The following BAZ1A variants were observed in gnomAD, a reference collection of about 807,000 sequenced individuals.
The protein encoded by BAZ1A is bromodomain adjacent to zinc finger domain protein 1A.
Under a neutral mutation model 185.2 loss-of-function variants are expected in BAZ1A, and 50 were observed. That is an observed-to-expected ratio of 0.27 (90% CI 0.22 to 0.34). The LOEUF is 0.34. BAZ1A is among the 10% of genes least tolerant of loss of function. The probability of loss-of-function intolerance (pLI) is 1.00; values close to 1 mark genes in which losing one functional copy is unlikely to be tolerated. For synonymous variants in BAZ1A, 571 were observed against 615.6 expected (o/e 0.93, Z 1.07); for missense variants, 1,356 against 1,839.9 (o/e 0.74, Z 4.81).
Position 34,773,572 on chromosome 14 carries a change from C to A in BAZ1A, c.3152G>T (p.Arg1051Ile). The A allele has an allele frequency of 6.3e-7, 1 of 1,576,846 alleles. No individual in the cohort carries two copies. The change falls in exon 20 of 27, where the codon AGA becomes ATA. Residue 1051 changes from arginine to isoleucine, a missense_variant and splice_region_variant. Around this residue, in one of 7 missense-constraint regions of BAZ1A, gnomAD observed 434 missense variants for 561.7 expected, o/e 0.77. Coordinates refer to ENST00000360310, the MANE Select transcript of BAZ1A (RefSeq NM_013448.3). ...TTACTTTAGAAAAATCTTTTTGTAC[C>A]TGTCTTTTACTATGACCTTTGTTTG... Reference protein sequence around the residue: ...DEQTKVIVKDRLLGIKTETPS... With the variant: ...DEQTKVIVKDILLGIKTETPS...
At chr14:34,763,307 T>C (rs1261528139) in intron 23 of BAZ1A, among the ~76,000 whole-genome samples, 1 of 151,850 alleles carries the variant, frequency 6.6e-6, no homozygotes. Context: ...TTAAAACAGA[T>C]GGGGTGGCTC....
chr14:34,768,700 A>G, intron 21 of BAZ1A: 1 of 410,746 alleles, frequency 2.4e-6, no homozygotes, highest in South Asian at 1.8e-5. Flanking sequence ...CATCTCTCAC[A>G]CTAGATAGAT....
In BAZ1A at chr14:34,776,248, T is replaced by G; in HGVS notation, c.2504A>C (p.Asp835Ala). 6.2e-7 allele frequency: 1 copy of G among 1,613,998 alleles called. No homozygotes were observed. The highest frequency in any genetic ancestry group is 8.5e-7 in the Non-Finnish European group (1 of 1,179,860). The change falls in exon 18 of 27, where the codon GAC becomes GCC. Residue 835 changes from aspartate to alanine, a missense_variant. Physicochemically the swap from Asp to Ala is moderately radical, Grantham distance 126 (BLOSUM62 -2). This residue lies in a region of BAZ1A where 434 missense variants were observed against 561.7 expected (regional missense o/e 0.77). Coordinates refer to ENST00000360310, the MANE Select transcript of BAZ1A (RefSeq NM_013448.3). ...IEEDYSGLTE[D>A]MLLPRPSSFQ... Reference sequence around the variant, plus strand: ...TGATGAAGGTCTAGGCAACAGCATGTCTTCAGTAAGACCAGAATAATCCTC... The same window carrying G: ...TGATGAAGGTCTAGGCAACAGCATGGCTTCAGTAAGACCAGAATAATCCTC...
chr14:34,778,885 T>A (rs912799237), intron 17 of BAZ1A, among the ~76,000 whole-genome samples: 11 of 152,292 alleles, frequency 7.2e-5, no homozygotes, highest in African/African-American at 2.6e-4. Context: ...GAAAGGACCT[T>A]GCTCTGTTGC....
Position 34,754,818 on chromosome 14 carries a change from A to ATTAC in BAZ1A, c.4474+5_4474+8dup. 2.0e-6 allele frequency: 3 copies of ATTAC among 1,525,516 alleles called. No homozygotes were observed. Among genetic ancestry groups the ATTAC allele is most frequent in the Non-Finnish European group, 2.7e-6 (3 of 1,120,780 alleles). 94.5% of individuals were successfully genotyped at this position (1,525,516 alleles called of 1,614,324 possible). On this transcript the variant is annotated intron_variant, in intron 26 of 26. Transcript: ENST00000360310. ...AAATAAATATCAAAGAAAAACATAA[A>ATTAC]TTACTTACATGCTAATTTATATTCA...
chr14:34,775,876 G>A, intron 18 of BAZ1A, 43 bp downstream of exon 18: 5 of 1,475,032 alleles, frequency 3.4e-6, no homozygotes, highest in Non-Finnish European at 3.7e-6. Flanking sequence ...CAGAGATTAG[G>A]GGGAGGGAAA....
intron 4 of BAZ1A, among the ~76,000 whole-genome samples, chr14:34,824,034 G>A (rs576973825): frequency 6.6e-6 from 1 of 151,816 alleles, no homozygotes; most frequent in South Asian, 2.1e-4. Context: ...ATATTTAATG[G>A]AAGACATGGA....
At chr14:34,800,939 CAAACAAAT>C (rs1230772984) in intron 8 of BAZ1A, among the ~76,000 whole-genome samples, 147 bp downstream of exon 8, 1 of 151,516 alleles carries the variant, frequency 6.6e-6, no homozygotes, top group Middle Eastern at 3.4e-3. Context: ...AACAAGCAAA[CAAACAAAT>C]AAACAATAGT....
chr14:34,847,364 C>G lies in BAZ1A; in HGVS notation c.392+14680G>C, dbSNP rs148934746. The stretch of plus-strand genomic sequence containing the variant: ...TATCTTACGAATTCAGTAGTATATA[C>G]AGAAGGAGCAGGATTGAGAAAAAAA... On this transcript the variant is annotated intron_variant, in intron 3 of 26. Transcript: ENST00000360310. Among the ~76,000 whole-genome samples, 203 of 151,576 alleles carry G rather than the reference C, an allele frequency of 1.3e-3. 1 individual carries two copies. The highest frequency in any genetic ancestry group is 4.5e-3 in the African/African-American group (186 of 41,262).
Position 34,796,161 on chromosome 14 carries a change from T to TACAC in BAZ1A, c.1129-397_1129-396insGTGT, listed in dbSNP as rs1300254990. On this transcript the variant is annotated intron_variant, in intron 9 of 26. Coordinates refer to ENST00000360310, the MANE Select transcript of BAZ1A (RefSeq NM_013448.3). The stretch of plus-strand genomic sequence containing the variant: ...CTAAAAATACAAACACATATACATA[T>TACAC]ACATACACACACACACACACACACA... Among the ~76,000 whole-genome samples the TACAC allele has an allele frequency of 5.1e-5, 4 of 78,134 alleles. No individual in the cohort carries two copies. In the South Asian group the frequency reaches 1.5e-3, roughly 29 times the overall value. The allele number at this position is 78,134 out of a possible 152,430, so 51.3% of individuals were successfully genotyped here. A position where few individuals can be genotyped will look rare whatever the true frequency, so the allele number is the denominator to read the frequency against.
At chr14:34,855,770 C>A (rs2042666248) in intron 3 of BAZ1A, among the ~76,000 whole-genome samples, 1 of 151,926 alleles carries the variant, frequency 6.6e-6, no homozygotes, top group South Asian at 2.1e-4. Context: ...TGTGGTGGCA[C>A]ACATCTGTGG....
At chr14:34,828,785 G>A (rs990767145) in intron 3 of BAZ1A, 1 of 152,150 alleles carries the variant, frequency 6.6e-6, no homozygotes, top group South Asian at 2.1e-4. Flanking sequence ...GCTTTCTAGA[G>A]ACTCCAGGGT....
rs1201854209 is a variant in BAZ1A at position 34,762,014 on chromosome 14, A to G, written c.3986T>C (p.Leu1329Ser). Residue 1329 changes from leucine (L) to serine (S), a missense_variant, in exon 24 of 27, where the codon TTA (leucine) becomes TCA (serine). Around this residue, in one of 7 missense-constraint regions of BAZ1A, gnomAD observed 309 missense variants for 355.3 expected, o/e 0.87. Coordinates refer to ENST00000360310, the MANE Select transcript of BAZ1A (RefSeq NM_013448.3). The part of the protein sequence containing the change: ...NSAPPTETKS[L>S]RIASRSTRHS... ...GCGAGTAGAACGACTGGCAATTCTT[A>G]AAGATTTTGTTTCTGTAGGAGGAGC... The G allele has an allele frequency of 1.2e-6, 2 of 1,614,208 alleles. No homozygotes were observed. Among genetic ancestry groups the G allele is most frequent in the African/African-American group, 2.7e-5 (2 of 75,058 alleles).
intron 9 of BAZ1A, among the ~76,000 whole-genome samples, chr14:34,799,193 T>G (rs916403847): frequency 7.8e-6 from 1 of 127,838 alleles, no homozygotes; most frequent in Non-Finnish European, 1.6e-5. Flanking sequence ...ATGAGAACAC[T>G]TGGACACAGG....
In BAZ1A at chr14:34,776,463, G is replaced by A. The variant is rs1054842723; in HGVS notation, c.2289C>T (p.Asn763=). The A allele has an allele frequency of 1.1e-5, 18 of 1,613,496 alleles. No individual in the cohort carries two copies. The highest frequency in any genetic ancestry group is 1.4e-5 in the Non-Finnish European group (16 of 1,179,988). The change falls in exon 18 of 27, where the codon AAC becomes AAT. Residue 763 remains asparagine (N), a synonymous_variant. Coordinates refer to ENST00000360310, the MANE Select transcript of BAZ1A (RefSeq NM_013448.3). ...CAGTAAGAGGCTCTCTTGTTACACA[G>A]TTGATCTGTTCTTGCCTTGTAAATT... ...FKEFTRQEQI[N]CVTREPLTAD...
intron 24 of BAZ1A, among the ~76,000 whole-genome samples, chr14:34,759,171 G>GTTTTTT (rs780287749): frequency 3.0e-5 from 2 of 66,468 alleles, no homozygotes; most frequent in Non-Finnish European, 2.6e-5. Flanking sequence ...TACAGCTACA[G>GTTTTTT]TTTTTTTTTT....
At chr14:34,833,803 AC>A (rs2042287908) in intron 3 of BAZ1A, among the ~76,000 whole-genome samples, 1 of 152,158 alleles carries the variant, frequency 6.6e-6, no homozygotes, top group Admixed American at 6.5e-5. Flanking sequence ...CATTAAGTAC[AC>A]TGTGAATGTA....
In BAZ1A at chr14:34,874,188, G is replaced by A. The variant is rs375604372; in HGVS notation, c.113+304C>T. Among the ~76,000 whole-genome samples, 7 of 151,886 alleles carry A rather than the reference G, an allele frequency of 4.6e-5. No individual in the cohort carries two copies. In the South Asian group the frequency reaches 6.2e-4, roughly 13 times the overall value. On this transcript the variant is annotated intron_variant, in intron 2 of 26. Coordinates refer to ENST00000360310, the MANE Select transcript of BAZ1A (RefSeq NM_013448.3). The surrounding 1 kb of genome is among the most constrained non-coding windows in gnomAD (Gnocchi z 4.7). ...GGGAGGGGCGAGGCGGGGAGTTTCC[G>A]CCGCCCCGCGGCCAAGAGGGCGGGA...
At position 34,764,772 on chromosome 14, in the gene BAZ1A, T is replaced by A. The variant is rs1210080726; in HGVS notation, c.3711A>T (p.Gln1237His). The A allele has an allele frequency of 1.2e-6, 2 of 1,610,202 alleles. No homozygotes were observed. The highest frequency in any genetic ancestry group is 8.5e-7 in the Non-Finnish European group (1 of 1,176,576). ...DEVDGDEEEGQSEEEEYEVEQ... is the reference protein window; with the variant it reads ...DEVDGDEEEGHSEEEEYEVEQ... ...CTACCTCATACTCTTCCTCCTCACT[T>A]TGACCTTCTTCTTCATCGCCATCAA... The change falls in exon 23 of 27, where the codon CAA becomes CAT. Residue 1237 changes from glutamine (Q) to histidine (H), a missense_variant. Physicochemically the swap from Gln to His is conservative, Grantham distance 24. Around this residue, in one of 7 missense-constraint regions of BAZ1A, gnomAD observed 309 missense variants for 355.3 expected, o/e 0.87. Transcript: ENST00000360310.
Sources: gnomAD v4.1 joint callset for allele counts (sites outside exome capture counted in the v4.1 genomes callset) on GRCh38, gnomAD v4.1.1 for gene constraint, gnomAD v4.1.1 regional missense constraint, Gnocchi (gnomAD v3.1) non-coding constraint, MANE v1.5 for transcripts, NCBI Gene and HGNC (gene_info 2026-07-23, HGNC 2026-07-21) for gene names.